The following TCF7L1 variants were observed in gnomAD, a reference collection of about 807,000 sequenced individuals.
TCF7L1 encodes the protein transcription factor 7-like 1.
Under a neutral mutation model 63.7 loss-of-function variants are expected in TCF7L1, and 18 were observed. The observed-to-expected ratio is 0.28, with a 90% CI of 0.20 to 0.42. The LOEUF is 0.42. Ranked by LOEUF, TCF7L1 falls within the 10% of genes least tolerant of loss-of-function variation. The pLI, the probability that TCF7L1 is intolerant of heterozygous loss-of-function variation, is 1.00. For synonymous variants in TCF7L1, 355 were observed against 340.9 expected (o/e 1.04, Z -0.46); for missense variants, 654 against 779.3 (o/e 0.84, Z 1.91).
At chr2:85,288,417 C>T (rs1573027338) in intron 4 of TCF7L1, among the ~76,000 whole-genome samples, 1 of 152,270 alleles carries the variant, frequency 6.6e-6, no homozygotes, top group East Asian at 1.9e-4. Context: ...CTCCATGCGG[C>T]TCTCCAGGCT....
intron 3 of TCF7L1, among the ~76,000 whole-genome samples, chr2:85,205,449 C>T (rs1228186359): frequency 6.6e-6 from 1 of 151,678 alleles, no homozygotes; most frequent in East Asian, 1.9e-4. Context: ...GACTCATGTG[C>T]AGATAGATTG....
At position 85,302,566 on chromosome 2, in the gene TCF7L1, C is replaced by T. The variant is rs1384903688; in HGVS notation, c.608C>T (p.Ser203Phe). The change falls in exon 5 of 12, where the codon TCC (serine) becomes TTC (phenylalanine). Residue 203 changes from serine to phenylalanine, a missense_variant. Around this residue, in one of 3 missense-constraint regions of TCF7L1, gnomAD observed 404 missense variants for 454.8 expected, o/e 0.89. Transcript: ENST00000282111. ...ATCACCTACAGCAATGACCACTTCT[C>T]CCCCGGCTCCCCTCCCACCCACCTC... Reference protein sequence around the residue: ...PLITYSNDHFSPGSPPTHLSP... With the variant: ...PLITYSNDHFFPGSPPTHLSP... 2.5e-6 allele frequency: 4 copies of T among 1,613,950 alleles called. No homozygotes were observed. Among genetic ancestry groups the T allele is most frequent in the Non-Finnish European group, 3.4e-6 (4 of 1,179,866 alleles).
Position 85,297,322 on chromosome 2 carries a change from G to A in TCF7L1, c.526-5162G>A, listed in dbSNP as rs149637461. Among the ~76,000 whole-genome samples, 275 of 152,072 alleles carry A rather than the reference G, an allele frequency of 1.8e-3. 6 individuals carry two copies. Among genetic ancestry groups the A allele is most frequent in the Admixed American group, 0.017 (253 of 15,270 alleles). The stretch of plus-strand genomic sequence containing the variant: ...CTCTTGACTTACCTTCACATTTTTC[G>A]TAGCCTGCAGCACACCACTTTCAGG... On this transcript the variant is annotated intron_variant, in intron 4 of 11. Coordinates refer to ENST00000282111, the MANE Select transcript of TCF7L1 (RefSeq NM_031283.3).
rs1677527878 is a variant in TCF7L1, at chr2:85,134,008, C to T, written c.250-8C>T. The T allele has an allele frequency of 1.9e-6, 3 of 1,609,456 alleles. No homozygotes were observed. The highest frequency in any genetic ancestry group is 2.7e-5 in the African/African-American group (2 of 74,346). On this transcript the variant is annotated splice_region_variant and splice_polypyrimidine_tract_variant and intron_variant, in intron 1 of 11. Coordinates refer to ENST00000282111, the MANE Select transcript of TCF7L1 (RefSeq NM_031283.3). The surrounding 1 kb of genome is among the most constrained non-coding windows in gnomAD (Gnocchi z 5.0). Reference sequence around the variant, plus strand: ...TCACCCGCTCTTGCCTTTGTGTCTCCTCCGCAGGCGGAGAGGCGCCCGCAG... The same window carrying T: ...TCACCCGCTCTTGCCTTTGTGTCTCTTCCGCAGGCGGAGAGGCGCCCGCAG...
chr2:85,281,537 G>A (rs1024993637), intron 3 of TCF7L1, among the ~76,000 whole-genome samples: 3 of 152,250 alleles, frequency 2.0e-5, no homozygotes, highest in South Asian at 4.2e-4. Context: ...AATTCATGTC[G>A]GGTGTGTGGG....
intron 3 of TCF7L1, among the ~76,000 whole-genome samples, chr2:85,252,389 A>T (rs1680612451): frequency 6.6e-6 from 1 of 152,218 alleles, no homozygotes; most frequent in South Asian, 2.1e-4. Flanking sequence ...ATACCCTGTG[A>T]TAATTTATAG....
At chr2:85,281,214 G>A (rs1441471411) in intron 3 of TCF7L1, among the ~76,000 whole-genome samples, 2 of 151,970 alleles carry the variant, frequency 1.3e-5, no homozygotes, top group South Asian at 2.1e-4. Flanking sequence ...AGTAAGAGAC[G>A]GGGTTTCACC....
At chr2:85,178,564 T>A (rs1678729825) in intron 3 of TCF7L1, among the ~76,000 whole-genome samples, 2 of 152,150 alleles carry the variant, frequency 1.3e-5, no homozygotes, top group African/African-American at 4.8e-5. Context: ...TCTAGGCCCT[T>A]TCACGCTCCC....
In TCF7L1 at chr2:85,294,142, T is replaced by G. The variant is rs549221386; in HGVS notation, c.526-8342T>G. On this transcript the variant is annotated intron_variant, in intron 4 of 11. Coordinates refer to ENST00000282111, the MANE Select transcript of TCF7L1 (RefSeq NM_031283.3). ...AGCTCCACTTCCCGGATTCACGCCA[T>G]TCGCCTGCCTCAGCCTCCTGAGTAG... Among the ~76,000 whole-genome samples the G allele has an allele frequency of 9.3e-5, 14 of 149,762 alleles. No individual in the cohort carries two copies. The East Asian group carries it at 2.6e-3, about 28-fold the overall frequency.
chr2:85,204,968 A>G (rs1679368768), intron 3 of TCF7L1: 1 of 152,050 alleles, frequency 6.6e-6, no homozygotes, highest in African/African-American at 2.4e-5. Context: ...GGAACAGTAC[A>G]GAGAAGAGTA....
At chr2:85,259,240 A>G (rs1008641250) in intron 3 of TCF7L1, among the ~76,000 whole-genome samples, 1 of 152,194 alleles carries the variant, frequency 6.6e-6, no homozygotes, top group Non-Finnish European at 1.5e-5. Flanking sequence ...TTGTTTTCTA[A>G]AACTGCTCTG....
rs751742999 is a variant in TCF7L1, at chr2:85,309,238, C to G, written c.1543C>G (p.Leu515Val). Residue 515 changes from leucine (L) to valine (V), a missense_variant, in exon 12 of 12, where the codon CTG (leucine) becomes GTG (valine). Around this residue, in one of 3 missense-constraint regions of TCF7L1, gnomAD observed 184 missense variants for 204.0 expected, o/e 0.90. Coordinates refer to ENST00000282111, the MANE Select transcript of TCF7L1 (RefSeq NM_031283.3). ...CACCAAACCAGAAACCCGGGCCCAG[C>G]TGGCTCTCCACTCTGCCGCCTTCCT... ...LTTKPETRAQLALHSAAFLSA... is the reference protein window; with the variant it reads ...LTTKPETRAQVALHSAAFLSA... The G allele has an allele frequency of 6.2e-7, 1 of 1,614,142 alleles. No individual in the cohort carries two copies. Among genetic ancestry groups the G allele is most frequent in the Non-Finnish European group, 8.5e-7 (1 of 1,180,042 alleles).
intron 3 of TCF7L1, among the ~76,000 whole-genome samples, chr2:85,246,762 G>T (rs932950492): frequency 7.0e-6 from 1 of 142,942 alleles, no homozygotes; most frequent in Non-Finnish European, 1.6e-5. Context: ...TTTCTCTCAA[G>T]ATATTTTTTT....
At chr2:85,259,685 T>G (rs189581856) in intron 3 of TCF7L1, among the ~76,000 whole-genome samples, 1 of 152,234 alleles carries the variant, frequency 6.6e-6, no homozygotes, top group Non-Finnish European at 1.5e-5. Context: ...GAATAATCTT[T>G]TGGGAAAAAC....
chr2:85,156,727 C>T (rs1678155656), intron 3 of TCF7L1, among the ~76,000 whole-genome samples: 1 of 152,212 alleles, frequency 6.6e-6, no homozygotes, highest in Non-Finnish European at 1.5e-5. Context: ...ACCAGCTTAC[C>T]TCTTCACTGT....
intron 3 of TCF7L1, among the ~76,000 whole-genome samples, chr2:85,148,959 A>G (rs1677944172): frequency 6.6e-6 from 1 of 151,818 alleles, no homozygotes; most frequent in Non-Finnish European, 1.5e-5. Flanking sequence ...TTGTATTTTT[A>G]GTAGAGATGG....
chr2:85,238,242 T>G (rs1196896319), intron 3 of TCF7L1, among the ~76,000 whole-genome samples: 1 of 152,162 alleles, frequency 6.6e-6, no homozygotes, highest in Non-Finnish European at 1.5e-5. Context: ...CGGCACTTTG[T>G]GTCCTGTGAA....
At chr2:85,230,887 G>A (rs1344196009) in intron 3 of TCF7L1, among the ~76,000 whole-genome samples, 3 of 152,146 alleles carry the variant, frequency 2.0e-5, no homozygotes, top group Admixed American at 6.5e-5. Context: ...GGTGGATATC[G>A]CCTTTTAATT....
chr2:85,153,340 A>ATTTTTTTTTTTT lies in TCF7L1; in HGVS notation c.441+18898_441+18909dup, dbSNP rs66697146. On this transcript the variant is annotated intron_variant, in intron 3 of 11. Coordinates refer to ENST00000282111, the MANE Select transcript of TCF7L1 (RefSeq NM_031283.3). Reference sequence around the variant, plus strand: ...TTCATGATCTTGCTAGCCTTTATAAATTTTTTTTTTTTTTTTTTTGAGATG... The same window carrying ATTTTTTTTTTTT: ...TTCATGATCTTGCTAGCCTTTATAAATTTTTTTTTTTTTTTTTTTTTTTTTTTTTTTGAGATG... Among the ~76,000 whole-genome samples the ATTTTTTTTTTTT allele has an allele frequency of 6.7e-3, 681 of 102,206 alleles. 48 individuals are homozygous for ATTTTTTTTTTTT. Among genetic ancestry groups the ATTTTTTTTTTTT allele is most frequent in the African/African-American group, 0.011 (253 of 23,724 alleles). The allele number at this position is 102,206 out of a possible 152,430, so 67.1% of individuals were successfully genotyped here. A position where few individuals can be genotyped will look rare whatever the true frequency, so the allele number is the denominator to read the frequency against.
Sources: gnomAD v4.1 joint callset for allele counts (sites outside exome capture counted in the v4.1 genomes callset) on GRCh38, gnomAD v4.1.1 for gene constraint, gnomAD v4.1.1 regional missense constraint, Gnocchi (gnomAD v3.1) non-coding constraint, MANE v1.5 for transcripts, NCBI Gene and HGNC (gene_info 2026-07-23, HGNC 2026-07-21) for gene names.